The following NHS variants were observed in gnomAD, a reference collection of about 807,000 sequenced individuals.
NHS encodes the protein NHS actin remodeling regulator.
NHS carries 5 observed loss-of-function variants against 72.5 expected under a neutral mutation model. The ratio of observed to expected loss-of-function variants is 0.07; its 90% CI spans 0.04 to 0.14. The LOEUF (loss-of-function observed/expected upper bound fraction) is 0.14. Among genes scored for constraint, NHS ranks in the 10% least tolerant of loss-of-function variants. NHS has a pLI of 1.00. For missense variants in NHS, 1,072 were observed against 1,355.7 expected, an observed-to-expected ratio of 0.79 and a Z score of 3.29; for synonymous variants, 464 against 547.7, an observed-to-expected ratio of 0.85 and a Z score of 2.13.
At chrX:17,657,163 A>G (rs1263217828) in intron 1 of NHS, among the ~76,000 whole-genome samples, 1 of 112,553 alleles carries the variant, frequency 8.9e-6, no homozygotes, top group African/African-American at 3.2e-5. Flanking sequence ...AGGGACAGTG[A>G]GCCAAAGCTG....
At chrX:17,606,883 G>A (rs2065682665) in intron 1 of NHS, among the ~76,000 whole-genome samples, 1 of 112,179 alleles carries the variant, frequency 8.9e-6, no homozygotes, top group Non-Finnish European at 1.9e-5. Flanking sequence ...CACTTATAAC[G>A]AACCCAGGAA....
At position 17,606,322 on chromosome X, in the gene NHS, C is replaced by T. The variant is rs1264386637; in HGVS notation, c.566-81420C>T. Reference sequence around the variant, plus strand: ...GTAGACTCCCAGAAGCAGTGACCTACAGTGGTCTTGTGAGTCAGTGTTTTG... The same window carrying T: ...GTAGACTCCCAGAAGCAGTGACCTATAGTGGTCTTGTGAGTCAGTGTTTTG... On this transcript the variant is annotated intron_variant, in intron 1 of 8. Transcript: ENST00000676302. 3.6e-5 allele frequency among the ~76,000 whole-genome samples: 4 copies of T among 111,843 alleles called. No homozygotes were observed. The Admixed American group carries it at 3.8e-4, about 11-fold the overall frequency.
intron 1 of NHS, among the ~76,000 whole-genome samples, chrX:17,518,610 A>T (rs2065132148): frequency 8.9e-6 from 1 of 112,012 alleles, no homozygotes; most frequent in Non-Finnish European, 1.9e-5. Context: ...ATCTGCTGAA[A>T]GATGCTTGTT....
chrX:17,536,950 G>C (rs1263941596), intron 1 of NHS, among the ~76,000 whole-genome samples: 1 of 112,119 alleles, frequency 8.9e-6, no homozygotes, highest in Admixed American at 9.5e-5. Flanking sequence ...GAAACTTTTG[G>C]GGAATTCTAA....
At chrX:17,684,784 G>C (rs2066152244) in intron 1 of NHS, among the ~76,000 whole-genome samples, 1 of 112,179 alleles carries the variant, frequency 8.9e-6, no homozygotes, top group African/African-American at 3.2e-5. Flanking sequence ...ATTATACAGG[G>C]TATGTGCACA....
At chrX:17,567,984 T>C (rs2065454083) in intron 1 of NHS, among the ~76,000 whole-genome samples, 2 of 111,860 alleles carry the variant, frequency 1.8e-5, no homozygotes, top group Admixed American at 1.9e-4. Flanking sequence ...TAGTTGTAAG[T>C]AGCCCCTCCC....
At chrX:17,423,363 T>C (rs893423350) in intron 1 of NHS, among the ~76,000 whole-genome samples, 1 of 111,963 alleles carries the variant, frequency 8.9e-6, no homozygotes, top group African/African-American at 3.2e-5. Flanking sequence ...GAATCATTGC[T>C]TAGAAGAAGA....
chrX:17,653,932 C>T (rs952950707), intron 1 of NHS, among the ~76,000 whole-genome samples: 4 of 111,290 alleles, frequency 3.6e-5, no homozygotes, highest in African/African-American at 1.3e-4. Flanking sequence ...CAGGGGCTGC[C>T]GGTCCTTTGA....
intron 1 of NHS, among the ~76,000 whole-genome samples, chrX:17,603,885 T>A (rs1225518666): frequency 1.8e-5 from 2 of 111,022 alleles, no homozygotes; most frequent in South Asian, 7.7e-4. Context: ...TTCAATTACC[T>A]CTCATAGTCA....
chrX:17,408,675 A>G (rs1179904847), intron 1 of NHS, among the ~76,000 whole-genome samples: 3 of 111,339 alleles, frequency 2.7e-5, no homozygotes, highest in Non-Finnish European at 5.7e-5. Context: ...GCCCTGAGAG[A>G]ATTTTTTTTC....
chrX:17,383,813 GT>G (rs1030050094), intron 1 of NHS, among the ~76,000 whole-genome samples: 3 of 112,205 alleles, frequency 2.7e-5, no homozygotes, highest in South Asian at 7.5e-4. Context: ...ACTACCATTA[GT>G]GGATGCACAG....
intron 1 of NHS, among the ~76,000 whole-genome samples, chrX:17,432,955 G>A (rs1201139816): frequency 5.4e-5 from 6 of 112,005 alleles, no homozygotes; most frequent in African/African-American, 1.9e-4. Flanking sequence ...TGATATTAAA[G>A]TTTTATTGGA....
chrX:17,531,999 G>A (rs2065201011), intron 1 of NHS, among the ~76,000 whole-genome samples: 1 of 110,821 alleles, frequency 9.0e-6, no homozygotes, highest in Admixed American at 9.7e-5. Flanking sequence ...CATGGAGTGA[G>A]GACCCATTCA....
At chrX:17,445,718 C>T (rs1417569127) in intron 1 of NHS, among the ~76,000 whole-genome samples, 2 of 96,346 alleles carry the variant, frequency 2.1e-5, no homozygotes, top group South Asian at 5.4e-4. Context: ...CCTCCAAAAT[C>T]GCTGAGGTCT....
intron 1 of NHS, among the ~76,000 whole-genome samples, chrX:17,405,198 G>A (rs972617099): frequency 1.8e-5 from 2 of 112,022 alleles, no homozygotes; most frequent in Non-Finnish European, 3.8e-5. Flanking sequence ...GTATAGGAAG[G>A]TTTTTAATGG....
At chrX:17,625,385 T>C (rs1481651135) in intron 1 of NHS, among the ~76,000 whole-genome samples, 1 of 111,342 alleles carries the variant, frequency 9.0e-6, no homozygotes, top group Non-Finnish European at 1.9e-5. Flanking sequence ...TCCCCAGAGG[T>C]TCCCTGAACA....
rs749734918 is a variant in NHS, at chrX:17,573,685, G to A, written c.566-114057G>A. Among the ~76,000 whole-genome samples the A allele has an allele frequency of 5.4e-5, 6 of 110,508 alleles. No homozygotes were observed. In the East Asian group the frequency reaches 1.1e-3, roughly 21 times the overall value. On this transcript the variant is annotated intron_variant, in intron 1 of 8. Coordinates refer to ENST00000676302, the MANE Select transcript of NHS (RefSeq NM_001291867.2). ...TTCTGAAGCCTACTTCTGTCAACTCGTCAAACTCATTCTCCATCCAGTTTT... is the reference window on the plus strand; with the variant it reads ...TTCTGAAGCCTACTTCTGTCAACTCATCAAACTCATTCTCCATCCAGTTTT...
chrX:17,491,081 T>C lies in NHS; in HGVS notation c.565+114759T>C, dbSNP rs7051735. ...TCATGTCATCTGCAAACAGAGACAA[T>C]TTGACTTCCTCTCTTTCTATTTGAA... On this transcript the variant is annotated intron_variant, in intron 1 of 8. Transcript: ENST00000676302. Among the ~76,000 whole-genome samples, 729 of 111,966 alleles carry C rather than the reference T, an allele frequency of 6.5e-3. 9 individuals carry two copies. The highest frequency in any genetic ancestry group is 0.023 in the African/African-American group (697 of 30,823).
At chrX:17,581,943 C>G (rs1445478910) in intron 1 of NHS, among the ~76,000 whole-genome samples, 1 of 111,780 alleles carries the variant, frequency 8.9e-6, no homozygotes, top group Non-Finnish European at 1.9e-5. Flanking sequence ...AAAAAAGATT[C>G]CAGAATTGCA....
Sources: allele counts gnomAD v4.1 joint callset (sites outside exome capture counted in the v4.1 genomes callset), GRCh38; gene constraint gnomAD v4.1.1; transcripts MANE v1.5; gene names NCBI Gene and HGNC (gene_info 2026-07-23, HGNC 2026-07-21).